The following GUCY1A2 variants were observed in gnomAD, a reference collection of about 807,000 sequenced individuals.
The protein encoded by GUCY1A2 is guanylate cyclase soluble subunit alpha-2.
In GUCY1A2, 27 loss-of-function variants were observed where a neutral mutation model predicts 63.5. That is an observed-to-expected ratio of 0.43 (90% CI 0.31 to 0.59). The LOEUF is 0.59. Among genes scored for constraint, GUCY1A2 ranks in the 20% least tolerant of loss-of-function variants. The pLI, the probability that GUCY1A2 is intolerant of heterozygous loss-of-function variation, is 0.11. For missense variants in GUCY1A2, 768 were observed against 913.3 expected, an observed-to-expected ratio of 0.84 and a Z score of 2.05; for synonymous variants, 364 against 343.5, an observed-to-expected ratio of 1.06 and a Z score of -0.66.
intron 6 of GUCY1A2, among the ~76,000 whole-genome samples, chr11:106,722,777 A>C (rs1863338143): frequency 7.7e-6 from 1 of 130,454 alleles, no homozygotes; most frequent in Non-Finnish European, 1.6e-5. Flanking sequence ...GTCATCAAAG[A>C]CCAGTTCTGT....
intron 4 of GUCY1A2, among the ~76,000 whole-genome samples, chr11:106,888,423 C>T (rs1478742861): frequency 6.6e-6 from 1 of 151,986 alleles, no homozygotes; most frequent in Non-Finnish European, 1.5e-5. Flanking sequence ...CGAGATCACT[C>T]CACTGCACTC....
At chr11:106,800,979 A>C (rs1251007149) in intron 5 of GUCY1A2, among the ~76,000 whole-genome samples, 1 of 152,088 alleles carries the variant, frequency 6.6e-6, no homozygotes, top group African/African-American at 2.4e-5. Context: ...TCCTGTGATC[A>C]GAGCATATGC....
chr11:106,989,052 A>T (rs771572035), intron 1 of GUCY1A2, among the ~76,000 whole-genome samples: 8 of 152,190 alleles, frequency 5.3e-5, no homozygotes, highest in Non-Finnish European at 1.2e-4. Context: ...GATGCAAGTC[A>T]ATGTAGATCA....
chr11:106,965,361 T>C (rs1861114230), intron 3 of GUCY1A2, among the ~76,000 whole-genome samples: 1 of 152,182 alleles, frequency 6.6e-6, no homozygotes, highest in Admixed American at 6.5e-5. Flanking sequence ...GAAAAATCCT[T>C]ACAAATAGTA....
intron 4 of GUCY1A2, among the ~76,000 whole-genome samples, chr11:106,875,788 C>A (rs1859740357): frequency 6.6e-6 from 1 of 152,046 alleles, no homozygotes; most frequent in South Asian, 2.1e-4. Flanking sequence ...AGGTGCCTAT[C>A]ACCAGCAGAA....
chr11:106,694,493 G>A (rs937863898), intron 7 of GUCY1A2, among the ~76,000 whole-genome samples: 1 of 152,172 alleles, frequency 6.6e-6, no homozygotes, highest in Non-Finnish European at 1.5e-5. Context: ...ACAAAGTTTT[G>A]AATGGCAGAA....
chr11:106,810,222 T>C lies in GUCY1A2; in HGVS notation c.1463A>G (p.Lys488Arg). The C allele has an allele frequency of 6.2e-7, 1 of 1,613,942 alleles. No individual in the cohort carries two copies. The highest frequency in any genetic ancestry group is 1.7e-4 in the Middle Eastern group (1 of 6,060). The stretch of plus-strand genomic sequence containing the variant: ...AGAATATAGAAGATCCACTGTCTTC[T>C]TTTTCTCTTCTTCCAGGGCCTGGTG... ...RTHQALEEEK[K>R]KTVDLLYSIF... The change falls in exon 5 of 8, where the codon AAG (lysine) becomes AGG (arginine). Residue 488 changes from lysine (K) to arginine (R), a missense_variant. Coordinates refer to ENST00000526355, the MANE Select transcript of GUCY1A2 (RefSeq NM_000855.3).
At chr11:106,869,562 C>T (rs1014709897) in intron 4 of GUCY1A2, among the ~76,000 whole-genome samples, 23 of 152,194 alleles carry the variant, frequency 1.5e-4, no homozygotes, top group Non-Finnish European at 2.9e-5. Flanking sequence ...AGTGAGATAA[C>T]ATCTTATGCC....
intron 6 of GUCY1A2, among the ~76,000 whole-genome samples, chr11:106,716,596 A>C (rs1863218485): frequency 6.6e-6 from 1 of 151,718 alleles, no homozygotes; most frequent in Non-Finnish European, 1.5e-5. Flanking sequence ...AGGGTATGAC[A>C]GTTCCCCGAG....
At chr11:107,002,698 ATTTC>A (rs1325170048) in intron 1 of GUCY1A2, among the ~76,000 whole-genome samples, 1 of 152,204 alleles carries the variant, frequency 6.6e-6, no homozygotes, top group East Asian at 1.9e-4. Context: ...AATTAGTGAC[ATTTC>A]ATACCTGATT....
chr11:106,872,912 C>T (rs1353418305), intron 4 of GUCY1A2, among the ~76,000 whole-genome samples: 1 of 152,008 alleles, frequency 6.6e-6, no homozygotes, highest in African/African-American at 2.4e-5. Flanking sequence ...TCTGAAGTTC[C>T]CTCCCCTCGC....
At chr11:106,772,412 T>C (rs1864273981) in intron 6 of GUCY1A2, among the ~76,000 whole-genome samples, 1 of 152,258 alleles carries the variant, frequency 6.6e-6, no homozygotes, top group Admixed American at 6.5e-5. Context: ...CTCAATAAGT[T>C]TGGAAATGTT....
chr11:106,779,986 G>T (rs987809253), intron 5 of GUCY1A2, among the ~76,000 whole-genome samples: 5 of 152,146 alleles, frequency 3.3e-5, no homozygotes, highest in Non-Finnish European at 7.4e-5. Flanking sequence ...TTCAAGACCA[G>T]CCTGGGCAAC....
intron 4 of GUCY1A2, among the ~76,000 whole-genome samples, chr11:106,924,880 C>A (rs1056791574): frequency 4.6e-5 from 7 of 152,008 alleles, no homozygotes; most frequent in Non-Finnish European, 8.8e-5. Context: ...TGGTGCGTAC[C>A]TGTAGTTGCA....
chr11:106,993,149 T>C (rs985762276), intron 1 of GUCY1A2, among the ~76,000 whole-genome samples: 4 of 152,202 alleles, frequency 2.6e-5, no homozygotes, highest in Admixed American at 6.5e-5. Flanking sequence ...AGTTTAATTT[T>C]AGTAAACAGG....
intron 6 of GUCY1A2, among the ~76,000 whole-genome samples, chr11:106,721,371 C>T (rs1341356458): frequency 6.6e-6 from 1 of 152,038 alleles, no homozygotes; most frequent in East Asian, 1.9e-4. Flanking sequence ...CAAAATGTTT[C>T]TTATTGTTAA....
At chr11:106,767,452 T>C (rs984062152) in intron 6 of GUCY1A2, among the ~76,000 whole-genome samples, 1 of 152,156 alleles carries the variant, frequency 6.6e-6, no homozygotes, top group Non-Finnish European at 1.5e-5. Flanking sequence ...TTGGGAAATC[T>C]GTTTGACAAA....
At chr11:106,742,887 T>A (rs1220086581) in intron 6 of GUCY1A2, among the ~76,000 whole-genome samples, 1 of 152,176 alleles carries the variant, frequency 6.6e-6, no homozygotes. Context: ...ACTTCTGAAG[T>A]ACCCTCTTCA....
chr11:106,777,717 A>C (rs374953348), intron 5 of GUCY1A2, among the ~76,000 whole-genome samples: 1 of 147,100 alleles, frequency 6.8e-6, no homozygotes, highest in Non-Finnish European at 1.5e-5. Flanking sequence ...CATTAGGAGA[A>C]TATCTAATGT....
Sources: gnomAD v4.1 joint callset for allele counts (sites outside exome capture counted in the v4.1 genomes callset) on GRCh38, gnomAD v4.1.1 for gene constraint, MANE v1.5 for transcripts, NCBI Gene and HGNC (gene_info 2026-07-23, HGNC 2026-07-21) for gene names.